The following SLC17A1 variants were observed in gnomAD, a reference collection of about 807,000 sequenced individuals.
The protein encoded by SLC17A1 is sodium-dependent phosphate transport protein 1.
Under a neutral mutation model 53.5 loss-of-function variants are expected in SLC17A1, and 51 were observed. The observed-to-expected ratio is 0.95, with a 90% CI of 0.76 to 1.20. The LOEUF is 1.20. Ranked by LOEUF, SLC17A1 falls within the 50% of genes most tolerant of loss-of-function variation. The probability of loss-of-function intolerance (pLI) is 0.00; values close to 1 mark genes in which losing one functional copy is unlikely to be tolerated. For missense variants in SLC17A1, 538 were observed against 568.2 expected (o/e 0.95, Z 0.54); for synonymous variants, 179 against 198.8 (o/e 0.90, Z 0.84).
At chr6:25,733,030 G>A in the SLC17A1 span, among the ~76,000 whole-genome samples, 1 of 152,168 alleles carries the variant, frequency 6.6e-6, no homozygotes, top group Non-Finnish European at 1.5e-5. Flanking sequence ...ACAGGACTCA[G>A]AACAGTTCTG....
intron 3 of SLC17A1, among the ~76,000 whole-genome samples, chr6:25,820,676 C>G (rs907310258): frequency 6.6e-6 from 1 of 151,802 alleles, no homozygotes; most frequent in Admixed American, 6.6e-5. Flanking sequence ...GTCAGGAGAT[C>G]GAGACCATCC....
intron 11 of SLC17A1, among the ~76,000 whole-genome samples, chr6:25,799,676 T>C (rs973191105): frequency 6.6e-6 from 1 of 152,200 alleles, no homozygotes; most frequent in African/African-American, 2.4e-5. Context: ...CTGTCTAAGT[T>C]AACTTATAGG....
In SLC17A1 at chr6:25,811,479, A is replaced by T. The variant is rs1561835121; in HGVS notation, c.1097T>A (p.Val366Asp). The T allele has an allele frequency of 6.2e-7, 1 of 1,614,028 alleles. No homozygotes were observed. The highest frequency in any genetic ancestry group is 8.5e-7 in the Non-Finnish European group (1 of 1,179,928). ...TGCACCAGCAAGTATTAGGAAAATG[A>T]CAATGCTGTAGAAGGTGGAACTCAG... ...PYLSSTFYSI[V>D]IFLILAGATG... The change falls in exon 10 of 13, where the codon GTC becomes GAC. Residue 366 changes from valine to aspartate, a missense_variant. By Grantham distance (152) the Val-to-Asp change is radical. Transcript: ENST00000244527.
At chr6:25,741,435 A>C in the SLC17A1 span, among the ~76,000 whole-genome samples, 12 of 130,574 alleles carry the variant, frequency 9.2e-5, no homozygotes, top group East Asian at 3.1e-4. Context: ...AAAAAAAAAA[A>C]AGGGCGCAGC....
intron 12 of SLC17A1, among the ~76,000 whole-genome samples, chr6:25,791,929 G>A (rs1483790313): frequency 2.6e-5 from 4 of 152,156 alleles, no homozygotes; most frequent in Admixed American, 1.3e-4. Flanking sequence ...TGCCTTCAAG[G>A]AATAGAGCTG....
At chr6:25,829,220 G>A (rs1374548144) in intron 2 of SLC17A1, among the ~76,000 whole-genome samples, 1 of 152,054 alleles carries the variant, frequency 6.6e-6, no homozygotes, top group Non-Finnish European at 1.5e-5. Flanking sequence ...AGGTCCTAGC[G>A]ATGCGATAGT....
chr6:25,740,799 G>C, the SLC17A1 span, among the ~76,000 whole-genome samples: 36,243 of 152,154 alleles, frequency 0.24, 4,920 homozygotes, highest in Non-Finnish European at 0.31. Context: ...TGGATGACTG[G>C]AATTTAAAAA....
rs1764917010 is a variant in SLC17A1 at position 25,830,731 on chromosome 6, C to T, written c.-50-124G>A. On this transcript the variant is annotated intron_variant, in intron 1 of 12. Transcript: ENST00000244527. The stretch of plus-strand genomic sequence containing the variant: ...TAACTTGCTCCATCACAGCAGTGCC[C>T]ATTCACCTCCATTATGTGCTTCCCT... 7.5e-6 allele frequency: 4 copies of T among 533,740 alleles called. No homozygotes were observed. In the South Asian group the frequency reaches 1.3e-4, roughly 17 times the overall value. The allele number at this position is 533,740 out of a possible 1,614,324, so 33.1% of individuals were successfully genotyped here. A position where few individuals can be genotyped will look rare whatever the true frequency, so the allele number is the denominator to read the frequency against.
intron 10 of SLC17A1, among the ~76,000 whole-genome samples, chr6:25,809,990 A>G (rs1221550269): frequency 6.6e-6 from 1 of 152,086 alleles, no homozygotes. Context: ...TTTTTGACAG[A>G]GGTGCCAAGA....
At chr6:25,766,639 G>A in the SLC17A1 span, among the ~76,000 whole-genome samples, 1 of 152,240 alleles carries the variant, frequency 6.6e-6, no homozygotes, top group African/African-American at 2.4e-5. Context: ...AATATGATGT[G>A]ATGAGAATGA....
At chr6:25,789,355 A>G (rs1282015691) in intron 12 of SLC17A1, among the ~76,000 whole-genome samples, 1 of 152,202 alleles carries the variant, frequency 6.6e-6, no homozygotes, top group Non-Finnish European at 1.5e-5. Flanking sequence ...CTTTACTAAA[A>G]TAAATAAGTG....
chr6:25,828,417 A>G (rs999363988), intron 2 of SLC17A1, among the ~76,000 whole-genome samples: 4 of 152,096 alleles, frequency 2.6e-5, no homozygotes, highest in Non-Finnish European at 5.9e-5. Context: ...ATAAATATTA[A>G]TATCATAAAT....
chr6:25,760,773 AT>A, the SLC17A1 span, among the ~76,000 whole-genome samples: 5 of 151,828 alleles, frequency 3.3e-5, no homozygotes, highest in African/African-American at 1.2e-4. Context: ...TTAATGCCTA[AT>A]TTTTTTTGTA....
chr6:25,778,051 G>T (rs756180563), downstream of SLC17A1: 18 of 1,244,314 alleles, frequency 1.4e-5, no homozygotes, highest in South Asian at 2.3e-4. Flanking sequence ...ATTCATAAAA[G>T]AAACCTATAG....
At chr6:25,764,158 A>G in the SLC17A1 span, among the ~76,000 whole-genome samples, 4 of 152,210 alleles carry the variant, frequency 2.6e-5, no homozygotes, top group African/African-American at 9.6e-5. Context: ...CCTCCAGAGC[A>G]TAGTGGTTTC....
At chr6:25,806,452 C>T (rs183061389) in intron 10 of SLC17A1, among the ~76,000 whole-genome samples, 2 of 152,062 alleles carry the variant, frequency 1.3e-5, no homozygotes, top group East Asian at 3.9e-4. Flanking sequence ...AAGCATTCCT[C>T]CTGACAACTG....
chr6:25,776,265 G>A, the SLC17A1 span, among the ~76,000 whole-genome samples: 1 of 152,002 alleles, frequency 6.6e-6, no homozygotes, highest in Admixed American at 6.6e-5. Flanking sequence ...ATGTTTAGGA[G>A]CCACTTATTT....
intron 3 of SLC17A1, among the ~76,000 whole-genome samples, chr6:25,824,336 C>T (rs1764664440): frequency 6.6e-6 from 1 of 151,614 alleles, no homozygotes; most frequent in Non-Finnish European, 1.5e-5. Context: ...GTATGCTGGT[C>T]ATCATGATCA....
the SLC17A1 span, chr6:25,773,223 C>A: frequency 7.2e-7 from 1 of 1,393,628 alleles, no homozygotes; most frequent in Non-Finnish European, 1.0e-6. Flanking sequence ...TAGAGTCAAA[C>A]TGAAAGAAGT....
Sources: gnomAD v4.1 joint callset for allele counts (sites outside exome capture counted in the v4.1 genomes callset) on GRCh38, gnomAD v4.1.1 for gene constraint, MANE v1.5 for transcripts, NCBI Gene and HGNC (gene_info 2026-07-23, HGNC 2026-07-21) for gene names.